Variants in MAD1L1 observed in about 807,000 individuals in gnomAD.
MAD1L1 encodes the protein mitotic arrest deficient 1 like 1, also known as mitotic spindle assembly checkpoint protein MAD1.
Under a neutral mutation model 96.9 loss-of-function variants are expected in MAD1L1, and 95 were observed. That is an observed-to-expected ratio of 0.98 (90% CI 0.83 to 1.16). The LOEUF (loss-of-function observed/expected upper bound fraction) is 1.16. Among genes scored for constraint, MAD1L1 ranks in the 50% most tolerant of loss-of-function variants. The pLI, the probability that MAD1L1 is intolerant of heterozygous loss-of-function variation, is 0.00. For missense variants in MAD1L1, 1,007 were observed against 954.4 expected (o/e 1.06, Z -0.73); for synonymous variants, 473 against 396.6 (o/e 1.19, Z -2.29).
chr7:2,013,311 G>A (rs1241607272), intron 13 of MAD1L1, among the ~76,000 whole-genome samples: 1 of 152,222 alleles, frequency 6.6e-6, no homozygotes, highest in Non-Finnish European at 1.5e-5. Flanking sequence ...GCCATCATCT[G>A]CATCTCCATC....
chr7:1,874,796 TG>T (rs1269262118), intron 18 of MAD1L1, among the ~76,000 whole-genome samples: 2 of 151,232 alleles, frequency 1.3e-5, no homozygotes, highest in African/African-American at 4.9e-5. Context: ...AGAGAGAGGT[TG>T]GGTAGGATGG....
At position 2,045,597 on chromosome 7, in the gene MAD1L1, A is replaced by G. The variant is rs73672020; in HGVS notation, c.1218+23597T>C. Among the ~76,000 whole-genome samples, 862 of 152,340 alleles carry G rather than the reference A, an allele frequency of 5.7e-3. 7 individuals are homozygous for G. Among genetic ancestry groups the G allele is most frequent in the African/African-American group, 0.02 (815 of 41,568 alleles). On this transcript the variant is annotated intron_variant, in intron 12 of 18. Coordinates refer to ENST00000265854, the MANE Select transcript of MAD1L1 (RefSeq NM_001013836.2). The stretch of plus-strand genomic sequence containing the variant: ...CTAATTTATTTAGAGACTTTTCTGA[A>G]GCTGTGGATAAAGCCCTTTATTAAA...
chr7:2,010,832 G>A (rs545409938), intron 13 of MAD1L1, among the ~76,000 whole-genome samples: 23 of 152,284 alleles, frequency 1.5e-4, no homozygotes, highest in Admixed American at 3.9e-4. Flanking sequence ...CCAGGGGCAT[G>A]CGCAGGGCCG....
At chr7:2,098,283 G>A (rs567555865) in intron 11 of MAD1L1, among the ~76,000 whole-genome samples, 27 of 152,312 alleles carry the variant, frequency 1.8e-4, no homozygotes, top group African/African-American at 5.3e-4. Flanking sequence ...AGGCCTCTGC[G>A]CAGAAGGCGC....
At chr7:2,028,192 G>A (rs561095260) in intron 12 of MAD1L1, among the ~76,000 whole-genome samples, 12 of 152,082 alleles carry the variant, frequency 7.9e-5, no homozygotes, top group Non-Finnish European at 1.0e-4. Flanking sequence ...TTGGGAGGCC[G>A]AGGCAGGCGG....
At chr7:2,193,411 C>T (rs1369847697) in intron 10 of MAD1L1, 1 of 152,670 alleles carries the variant, frequency 6.6e-6, no homozygotes, top group Non-Finnish European at 1.5e-5. Context: ...CGCCTCCGCA[C>T]CCAGCACCAC....
chr7:1,884,170 G>A (rs1213761846), intron 18 of MAD1L1, among the ~76,000 whole-genome samples: 2 of 152,234 alleles, frequency 1.3e-5, no homozygotes, highest in East Asian at 1.9e-4. Context: ...TGGCCAGGAG[G>A]GACGCAGCCG....
intron 4 of MAD1L1, among the ~76,000 whole-genome samples, chr7:2,224,644 A>G (rs1793786688): frequency 6.6e-6 from 1 of 152,218 alleles, no homozygotes; most frequent in South Asian, 2.1e-4. Context: ...AAGAGAGGGC[A>G]CGGAGGCCAG....
intron 13 of MAD1L1, among the ~76,000 whole-genome samples, chr7:2,010,070 G>GTTT (rs56012894): frequency 4.5e-5 from 4 of 89,782 alleles, no homozygotes; most frequent in African/African-American, 8.4e-5. Context: ...TTTTTAACAG[G>GTTT]TTTTTTTTTT....
intron 18 of MAD1L1, among the ~76,000 whole-genome samples, chr7:1,826,498 CTCCTGGTCCAGAGG>C (rs1782401150): frequency 6.6e-6 from 1 of 152,224 alleles, no homozygotes; most frequent in Non-Finnish European, 1.5e-5. Flanking sequence ...CTCCGCGGAG[CTCCTGGTCCAGAGG>C]TCCAGGTTTG....
chr7:2,055,953 T>C (rs994228419), intron 12 of MAD1L1, among the ~76,000 whole-genome samples: 1 of 152,210 alleles, frequency 6.6e-6, no homozygotes, highest in Non-Finnish European at 1.5e-5. Context: ...CACTCCAGCC[T>C]GAGTGACAGG....
intron 16 of MAD1L1, among the ~76,000 whole-genome samples, chr7:1,955,281 G>A (rs1342838960): frequency 3.9e-5 from 6 of 152,208 alleles, no homozygotes; most frequent in African/African-American, 1.2e-4. Context: ...AGAGGGCATC[G>A]CATAGTGGGT....
chr7:1,929,577 C>G, intron 17 of MAD1L1, among the ~76,000 whole-genome samples: 1 of 152,186 alleles, frequency 6.6e-6, no homozygotes, highest in East Asian at 1.9e-4. Flanking sequence ...CTCAGATCCC[C>G]GAGAGCAGGG....
chr7:2,046,521 G>C (rs561461006), intron 12 of MAD1L1, among the ~76,000 whole-genome samples: 3 of 151,996 alleles, frequency 2.0e-5, no homozygotes, highest in Non-Finnish European at 4.4e-5. Context: ...GAAAACTTTG[G>C]AAGGGTGAAG....
chr7:2,177,454 T>C (rs866438890), intron 10 of MAD1L1, among the ~76,000 whole-genome samples: 1 of 152,240 alleles, frequency 6.6e-6, no homozygotes, highest in South Asian at 2.1e-4. Flanking sequence ...CTCAAGACTG[T>C]TTTCTTCATA....
chr7:2,030,610 C>T (rs1783183489), intron 12 of MAD1L1, among the ~76,000 whole-genome samples: 1 of 152,214 alleles, frequency 6.6e-6, no homozygotes. Flanking sequence ...GGAACCTGCC[C>T]ATCTGCGCTT....
intron 18 of MAD1L1, among the ~76,000 whole-genome samples, chr7:1,881,937 C>A (rs1785705748): frequency 6.6e-6 from 1 of 152,228 alleles, no homozygotes; most frequent in Admixed American, 6.5e-5. Context: ...GTGGCTGGTG[C>A]CACGGTAGAA....
At chr7:1,961,761 T>C (rs1246014742) in intron 15 of MAD1L1, among the ~76,000 whole-genome samples, 1 of 152,002 alleles carries the variant, frequency 6.6e-6, no homozygotes, top group African/African-American at 2.4e-5. Context: ...TGGTGGGAGA[T>C]AATGAATCAG....
intron 12 of MAD1L1, among the ~76,000 whole-genome samples, chr7:2,030,157 C>T (rs1485656889): frequency 2.6e-5 from 4 of 152,182 alleles, no homozygotes; most frequent in East Asian, 1.9e-4. Context: ...CCCAGAAACG[C>T]GGAACCCAGA....
Sources: gnomAD v4.1 joint callset for allele counts (sites outside exome capture counted in the v4.1 genomes callset) on GRCh38, gnomAD v4.1.1 for gene constraint, MANE v1.5 for transcripts, NCBI Gene and HGNC (gene_info 2026-07-23, HGNC 2026-07-21) for gene names.